SLIT3: variants seen among roughly 807,000 people sequenced by gnomAD.
SLIT3 encodes slit guidance ligand 3.
Under a neutral mutation model 184.0 loss-of-function variants are expected in SLIT3, and 68 were observed. That is an observed-to-expected ratio of 0.37 (90% CI 0.30 to 0.45). The LOEUF (loss-of-function observed/expected upper bound fraction) is 0.45. SLIT3 is among the 20% of genes least tolerant of loss of function. The pLI is 1.00. For missense variants in SLIT3, 1,707 were observed against 2,026.0 expected, an observed-to-expected ratio of 0.84 and a Z score of 3.02; for synonymous variants, 831 against 828.6, an observed-to-expected ratio of 1.00 and a Z score of -0.05.
chr5:168,720,359 T>A (rs1354521545), intron 23 of SLIT3: 2 of 141,282 alleles, frequency 1.4e-5, no homozygotes, highest in Non-Finnish European at 3.3e-5. Context: ...GCTGGTGGTG[T>A]TCACCCCATC....
At chr5:169,273,373 C>T (rs1461888635) in intron 1 of SLIT3, among the ~76,000 whole-genome samples, 2 of 152,228 alleles carry the variant, frequency 1.3e-5, no homozygotes, top group African/African-American at 2.4e-5. Context: ...AAGAGGCGTG[C>T]ATAGCTTCCC....
In SLIT3 at chr5:169,067,793, T is replaced by C. The variant is rs187320267; in HGVS notation, c.413+125686A>G. On this transcript the variant is annotated intron_variant, in intron 4 of 35. Transcript: ENST00000519560. ...ACTTTCTGTCCCTTGTGCCTTCCTA[T>C]GTCTGCAGGCTTCCCAGCCTCCAAC... Among the ~76,000 whole-genome samples, 168 of 152,326 alleles carry C rather than the reference T, an allele frequency of 1.1e-3. 2 individuals are homozygous for C. Among genetic ancestry groups the C allele is most frequent in the East Asian group, 5.4e-3 (28 of 5,186 alleles).
At chr5:168,951,032 C>A (rs750588897) in intron 4 of SLIT3, among the ~76,000 whole-genome samples, 1 of 152,092 alleles carries the variant, frequency 6.6e-6, no homozygotes, top group Non-Finnish European at 1.5e-5. Flanking sequence ...ACCAGCCTGG[C>A]AACATGGTGA....
chr5:168,940,858 G>A (rs1193514695), intron 4 of SLIT3, among the ~76,000 whole-genome samples: 1 of 152,178 alleles, frequency 6.6e-6, no homozygotes, highest in South Asian at 2.1e-4. Context: ...GTTTCCAGGA[G>A]GAGGGTGCGT....
intron 23 of SLIT3, among the ~76,000 whole-genome samples, chr5:168,718,745 CTCTT>C (rs957274188): frequency 6.6e-5 from 10 of 151,134 alleles, no homozygotes; most frequent in African/African-American, 1.7e-4. Context: ...CTCTCTCTCT[CTCTT>C]TCTCTCTCTC....
chr5:168,753,769 G>T, intron 17 of SLIT3, 95 bp downstream of exon 17: 4 of 1,421,314 alleles, frequency 2.8e-6, no homozygotes, highest in Non-Finnish European at 3.9e-6. Flanking sequence ...CCAAGACAGT[G>T]CCTGGGTCCC....
intron 3 of SLIT3, among the ~76,000 whole-genome samples, chr5:169,205,103 A>C (rs1363970352): frequency 6.6e-6 from 1 of 152,190 alleles, no homozygotes; most frequent in African/African-American, 2.4e-5. Flanking sequence ...TATGCTGAGT[A>C]ATGAGGGAGG....
intron 4 of SLIT3, among the ~76,000 whole-genome samples, chr5:168,981,163 G>A (rs554743639): frequency 6.0e-4 from 92 of 152,238 alleles, no homozygotes; most frequent in Admixed American, 1.6e-3. Flanking sequence ...GTCATTATGT[G>A]CGCAATGCTG....
chr5:168,877,172 A>G (rs866304264), intron 5 of SLIT3, among the ~76,000 whole-genome samples: 1 of 152,206 alleles, frequency 6.6e-6, no homozygotes, highest in Non-Finnish European at 1.5e-5. Flanking sequence ...CAAGAAATAA[A>G]TGAGATAATT....
chr5:168,789,568 G>T lies in SLIT3; in HGVS notation c.1071C>A (p.Leu357=). The T allele has an allele frequency of 6.2e-7, 1 of 1,612,838 alleles. No individual in the cohort carries two copies. The highest frequency in any genetic ancestry group is 8.5e-7 in the Non-Finnish European group (1 of 1,179,304). ...ACTCGGGCCCCACTTACAGCGATGT[G>T]AGTGATTTCAGGCCCTGGAAGGCAT... ...APDAFQGLKS[L]TSLVLYGNKI... Residue 357 remains leucine, a synonymous_variant, in exon 11 of 36, where the codon CTC becomes CTA. Transcript: ENST00000519560.
intron 31 of SLIT3, among the ~76,000 whole-genome samples, chr5:168,685,357 G>A (rs1761711003): frequency 6.6e-6 from 1 of 152,236 alleles, no homozygotes; most frequent in African/African-American, 2.4e-5. Flanking sequence ...GAGATTCTTG[G>A]ATTAGTGGAT....
chr5:169,296,588 G>A (rs980523695), intron 1 of SLIT3, among the ~76,000 whole-genome samples: 2 of 152,204 alleles, frequency 1.3e-5, no homozygotes, highest in Admixed American at 6.5e-5. Context: ...GGGCTGGACA[G>A]AGGACTTGGC....
chr5:169,144,368 G>A (rs1013271932), intron 4 of SLIT3, among the ~76,000 whole-genome samples: 6 of 152,050 alleles, frequency 3.9e-5, no homozygotes, highest in African/African-American at 7.2e-5. Flanking sequence ...CCTGCTTTAC[G>A]TTCCCATAGT....
At chr5:168,978,518 C>T (rs1227520341) in intron 4 of SLIT3, among the ~76,000 whole-genome samples, 2 of 152,164 alleles carry the variant, frequency 1.3e-5, no homozygotes, top group Non-Finnish European at 2.9e-5. Flanking sequence ...CCTGATTCTA[C>T]CTGTCAACTC....
intron 4 of SLIT3, among the ~76,000 whole-genome samples, chr5:168,912,285 G>A (rs1482070025): frequency 6.6e-6 from 1 of 152,166 alleles, no homozygotes; most frequent in Non-Finnish European, 1.5e-5. Flanking sequence ...GACTGTTTAT[G>A]TTATTGGTAA....
chr5:169,060,800 T>G (rs1016785007), intron 4 of SLIT3, among the ~76,000 whole-genome samples: 1 of 152,202 alleles, frequency 6.6e-6, no homozygotes, highest in Admixed American at 6.5e-5. Context: ...ATACCGGGTC[T>G]GAGTCCACTT....
At chr5:169,183,009 G>A (rs1474733359) in intron 4 of SLIT3, among the ~76,000 whole-genome samples, 1 of 152,306 alleles carries the variant, frequency 6.6e-6, no homozygotes, top group East Asian at 1.9e-4. Flanking sequence ...CTCCACAGGT[G>A]GGTCCCAGCC....
chr5:168,976,381 T>C (rs1385027545), intron 4 of SLIT3, among the ~76,000 whole-genome samples: 3 of 152,210 alleles, frequency 2.0e-5, no homozygotes, highest in Non-Finnish European at 4.4e-5. Flanking sequence ...TAAGAGCTAA[T>C]GGGGCCACAG....
intron 14 of SLIT3, chr5:168,772,574 G>GTGTGTA (rs1755592443): frequency 5.4e-6 from 3 of 558,876 alleles, no homozygotes; most frequent in East Asian, 6.2e-5. Flanking sequence ...CTTTTATTGT[G>GTGTGTA]TGTGTGTGTG....
Sources: allele counts gnomAD v4.1 joint callset (sites outside exome capture counted in the v4.1 genomes callset), GRCh38; gene constraint gnomAD v4.1.1; transcripts MANE v1.5; gene names NCBI Gene and HGNC (gene_info 2026-07-23, HGNC 2026-07-21).